The following MELK variants were observed in gnomAD, a reference collection of about 807,000 sequenced individuals.
MELK encodes maternal embryonic leucine zipper kinase, also known as pEg3 kinase.
In MELK, 81 loss-of-function variants were observed where a neutral mutation model predicts 85.0. The ratio of observed to expected loss-of-function variants is 0.95; its 90% CI spans 0.80 to 1.15. The LOEUF (loss-of-function observed/expected upper bound fraction) is 1.15, where lower values mean the gene tolerates loss of function less well. Ranked by LOEUF, MELK falls within the 50% of genes most tolerant of loss-of-function variation. The probability of loss-of-function intolerance (pLI) is 0.00; values close to 1 mark genes in which losing one functional copy is unlikely to be tolerated. For synonymous variants in MELK, 252 were observed against 265.0 expected (o/e 0.95, Z 0.48); for missense variants, 754 against 777.5 (o/e 0.97, Z 0.36).
intron 9 of MELK, among the ~76,000 whole-genome samples, chr9:36,632,516 A>G (rs1828738410): frequency 6.6e-6 from 1 of 152,088 alleles, no homozygotes; most frequent in Admixed American, 6.6e-5. Flanking sequence ...TTTATTCAAA[A>G]TTTACCTCAG....
Position 36,665,573 on chromosome 9 carries a change from C to T in MELK, c.1400C>T (p.Pro467Leu), listed in dbSNP as rs1329308756. 6.2e-7 allele frequency: 1 copy of T among 1,606,856 alleles called. No individual in the cohort carries two copies. Among genetic ancestry groups the T allele is most frequent in the Non-Finnish European group, 8.5e-7 (1 of 1,175,598 alleles). The change falls in exon 14 of 18, where the codon CCC (proline) becomes CTC (leucine). Residue 467 changes from proline to leucine, a missense_variant. By Grantham distance (98) the Pro-to-Leu change is moderately conservative (BLOSUM62 -3). Transcript: ENST00000298048. ...ILTTPNRYTT[P>L]SKARNQCLKE... ...ACTACGCCAAATCGTTACACTACACCCTCAAAAGGTATTTGCTAAGTGAAT... is the reference window on the plus strand; with the variant it reads ...ACTACGCCAAATCGTTACACTACACTCTCAAAAGGTATTTGCTAAGTGAAT...
At chr9:36,657,193 G>A (rs1456024026) in intron 12 of MELK, 48 bp from the exon 13 acceptor site, 2 of 1,557,780 alleles carry the variant, frequency 1.3e-6, no homozygotes, top group East Asian at 2.3e-5. Flanking sequence ...TTTAAATATT[G>A]AATCATAGTA....
chr9:36,615,374 A>G (rs1201219551), intron 8 of MELK, among the ~76,000 whole-genome samples: 24 of 93,282 alleles, frequency 2.6e-4, no homozygotes, highest in East Asian at 5.3e-4. Context: ...CCCGGTCGGC[A>G]CGGCTGGCCG....
chr9:36,581,250 GCCTCGAACTCCTGGGCTCAAGCTGT>G (rs1481351304), intron 1 of MELK, among the ~76,000 whole-genome samples: 6 of 151,880 alleles, frequency 4.0e-5, no homozygotes, highest in African/African-American at 1.5e-4. Flanking sequence ...GCCCAGGCTG[GCCTCGAACTCCTGGGCTCAAGCTGT>G]CCTCCCAAGT....
At chr9:36,601,260 G>A (rs2135634165) in intron 7 of MELK, among the ~76,000 whole-genome samples, 1 of 152,190 alleles carries the variant, frequency 6.6e-6, no homozygotes, top group African/African-American at 2.4e-5. Flanking sequence ...TATGGTGCAG[G>A]ATGCATTTAG....
rs1304718657 is a variant in MELK, at chr9:36,674,276, CTCAG to C, written c.1675-554_1675-551del. ...TGAAATTATCTCTGAGAATTAGGCT[CTCAG>C]TCAATGAGAAAAAATAATATGACAT... On this transcript the variant is annotated intron_variant, in intron 16 of 17. Transcript: ENST00000298048. Among the ~76,000 whole-genome samples the C allele has an allele frequency of 2.0e-5, 3 of 152,254 alleles. No homozygotes were observed. In the East Asian group the frequency reaches 5.8e-4, roughly 29 times the overall value.
intron 7 of MELK, among the ~76,000 whole-genome samples, chr9:36,601,472 T>G (rs1293183646): frequency 6.6e-6 from 1 of 152,236 alleles, no homozygotes; most frequent in African/African-American, 2.4e-5. Flanking sequence ...AAAATGATGT[T>G]GTAGCCTTCT....
At chr9:36,592,473 G>A (rs1823727056) in intron 4 of MELK, among the ~76,000 whole-genome samples, 1 of 151,928 alleles carries the variant, frequency 6.6e-6, no homozygotes, top group Non-Finnish European at 1.5e-5. Flanking sequence ...CACCGCGCCC[G>A]GCCCTCAAAT....
At chr9:36,658,610 C>G (rs1454192913) in intron 13 of MELK, among the ~76,000 whole-genome samples, 1 of 152,120 alleles carries the variant, frequency 6.6e-6, no homozygotes, top group Non-Finnish European at 1.5e-5. Flanking sequence ...TCAGTCTTTG[C>G]TTGGTAAGGC....
intron 11 of MELK, among the ~76,000 whole-genome samples, chr9:36,644,258 G>T (rs1407877044): frequency 6.9e-6 from 1 of 144,036 alleles, no homozygotes; most frequent in Non-Finnish European, 1.5e-5. Context: ...TGTGTTTTAA[G>T]AGATCAAGGC....
In MELK at chr9:36,597,283, A is replaced by C; in HGVS notation, c.467A>C (p.Lys156Thr). 1.2e-6 allele frequency: 2 copies of C among 1,612,170 alleles called. No homozygotes were observed. The highest frequency in any genetic ancestry group is 1.7e-6 in the Non-Finnish European group (2 of 1,178,388). Residue 156 changes from lysine to threonine, a missense_variant, in exon 6 of 18, where the codon AAA (lysine) becomes ACA (threonine). Lys to Thr is a moderately conservative substitution (Grantham distance 78, BLOSUM62 -1). Coordinates refer to ENST00000298048, the MANE Select transcript of MELK (RefSeq NM_014791.4). ...LKLIDFGLCA[K>T]PKGNKDYHLQ... ...CTGATTGACTTTGGTCTCTGTGCAA[A>C]ACCCAAGGTAAGTGCAGAAATAAGA...
intron 1 of MELK, among the ~76,000 whole-genome samples, chr9:36,578,012 C>T (rs1821826020): frequency 6.6e-6 from 1 of 152,104 alleles, no homozygotes; most frequent in Admixed American, 6.6e-5. Flanking sequence ...TCTTGAACTC[C>T]AGGCCTCAAG....
chr9:36,623,360 A>G lies in MELK; in HGVS notation c.667-6939A>G, dbSNP rs140415019. On this transcript the variant is annotated intron_variant, in intron 8 of 17. Coordinates refer to ENST00000298048, the MANE Select transcript of MELK (RefSeq NM_014791.4). ...AAATATATGTACAAGTGTTTTGCGC[A>G]TTTTAAAGCACGGTGTACAAATAAG... 4.3e-4 allele frequency among the ~76,000 whole-genome samples: 65 copies of G among 152,338 alleles called. 1 individual carries two copies. Among genetic ancestry groups the G allele is most frequent in the African/African-American group, 1.5e-3 (64 of 41,582 alleles).
chr9:36,643,276 G>A lies in MELK; in HGVS notation c.921+193G>A, dbSNP rs562281528. On this transcript the variant is annotated intron_variant, in intron 11 of 17. Coordinates refer to ENST00000298048, the MANE Select transcript of MELK (RefSeq NM_014791.4). ...CACGTGCCTGTAATCCCAGCTACTT[G>A]GGAGGCTGAGGCACGAGAATCACTT... Among the ~76,000 whole-genome samples the A allele has an allele frequency of 4.6e-4, 70 of 152,222 alleles. 1 individual carries two copies. In the South Asian group the frequency reaches 0.013, roughly 28 times the overall value.
intron 1 of MELK, among the ~76,000 whole-genome samples, chr9:36,574,524 A>G (rs918147323): frequency 6.6e-6 from 1 of 151,490 alleles, no homozygotes; most frequent in African/African-American, 2.4e-5. Context: ...CATCTCTGGA[A>G]CCCAGGAGGC....
chr9:36,637,046 A>G (rs1221219644), intron 10 of MELK, among the ~76,000 whole-genome samples: 1 of 151,944 alleles, frequency 6.6e-6, no homozygotes, highest in East Asian at 1.9e-4. Flanking sequence ...GGTAGCCAGG[A>G]TGGTCTCGAT....
At chr9:36,599,027 G>A (rs576273693) in intron 6 of MELK, among the ~76,000 whole-genome samples, 16 of 152,278 alleles carry the variant, frequency 1.1e-4, no homozygotes, top group African/African-American at 3.4e-4. Flanking sequence ...AGGCGTGGTG[G>A]CTCATTGCCT....
chr9:36,579,698 A>G lies in MELK; in HGVS notation c.-38-1946A>G, dbSNP rs1253783850. On this transcript the variant is annotated intron_variant, in intron 1 of 17. Transcript: ENST00000298048. The stretch of plus-strand genomic sequence containing the variant: ...TTTTCCAGACACACTGCTGATCTCT[A>G]AAAGTCAACCACGAGGTTATTTTCC... Among the ~76,000 whole-genome samples the G allele has an allele frequency of 2.0e-5, 3 of 152,248 alleles. No individual in the cohort carries two copies. The East Asian group carries it at 5.8e-4, about 29-fold the overall frequency.
intron 7 of MELK, among the ~76,000 whole-genome samples, chr9:36,600,628 G>A (rs1386923588): frequency 3.3e-5 from 5 of 152,204 alleles, no homozygotes; most frequent in South Asian, 2.1e-4. Flanking sequence ...CTCGTGATCC[G>A]CCTGCCTCGG....
Sources: allele counts gnomAD v4.1 joint callset (sites outside exome capture counted in the v4.1 genomes callset), GRCh38; gene constraint gnomAD v4.1.1; transcripts MANE v1.5; gene names NCBI Gene and HGNC (gene_info 2026-07-23, HGNC 2026-07-21).